Variants in ENOX1 observed in about 807,000 individuals in gnomAD.
ENOX1 encodes ecto-NOX disulfide-thiol exchanger 1, also known as candidate growth-related and time keeping constitutive hydroquinone (NADH) oxidase.
Under a neutral mutation model 82.5 loss-of-function variants are expected in ENOX1, and 42 were observed. That is an observed-to-expected ratio of 0.51 (90% CI 0.40 to 0.66). The LOEUF is 0.66. ENOX1 is among the 30% of genes least tolerant of loss of function. The pLI, the probability that ENOX1 is intolerant of heterozygous loss-of-function variation, is 0.00. For missense variants in ENOX1, 608 were observed against 811.6 expected (o/e 0.75, Z 3.05); for synonymous variants, 271 against 282.2 (o/e 0.96, Z 0.40).
chr13:43,529,140 C>A (rs116035603), intron 2 of ENOX1, among the ~76,000 whole-genome samples: 1,758 of 152,094 alleles, frequency 0.012, 21 homozygotes, highest in Middle Eastern at 0.037. Flanking sequence ...TACCCACAGT[C>A]AACCACAGTC....
chr13:43,557,833 G>C (rs1231506157), intron 2 of ENOX1, among the ~76,000 whole-genome samples: 2 of 152,074 alleles, frequency 1.3e-5, no homozygotes, highest in South Asian at 4.1e-4. Context: ...AATTCATTTT[G>C]TGGTTGTAAG....
chr13:43,273,568 A>G lies in ENOX1; in HGVS notation c.1447-3991T>C, dbSNP rs1041335676. Among the ~76,000 whole-genome samples the G allele has an allele frequency of 8.5e-5, 13 of 152,150 alleles. 1 individual carries two copies. The highest frequency in any genetic ancestry group is 3.1e-4 in the African/African-American group (13 of 41,498). ...AAATGTTGCTTTTGGCCCAAGATCA[A>G]CTCAGATGATGCCTTTGTAAAACTG... On this transcript the variant is annotated intron_variant, in intron 12 of 16. Transcript: ENST00000690772.
intron 2 of ENOX1, among the ~76,000 whole-genome samples, chr13:43,611,259 T>C (rs188487868): frequency 1.1e-3 from 160 of 152,302 alleles, no homozygotes; most frequent in Non-Finnish European, 2.0e-3. Context: ...CATACACATA[T>C]ACCCATCAAT....
chr13:43,675,522 AT>A (rs1334491174), intron 1 of ENOX1, among the ~76,000 whole-genome samples: 1 of 152,218 alleles, frequency 6.6e-6, no homozygotes, highest in Admixed American at 6.5e-5. Flanking sequence ...ATATATGCAT[AT>A]ATACATGGAT....
At chr13:43,249,489 T>G (rs927743736) in intron 14 of ENOX1, among the ~76,000 whole-genome samples, 18 of 152,314 alleles carry the variant, frequency 1.2e-4, no homozygotes, top group Middle Eastern at 3.4e-3. Flanking sequence ...AATTAGTCGG[T>G]TTGATTTATC....
At chr13:43,449,099 A>G (rs1414173489) in intron 3 of ENOX1, among the ~76,000 whole-genome samples, 5 of 152,230 alleles carry the variant, frequency 3.3e-5, no homozygotes, top group Non-Finnish European at 4.4e-5. Flanking sequence ...AGCTCCTTTT[A>G]TAAGAGTTTA....
intron 2 of ENOX1, among the ~76,000 whole-genome samples, chr13:43,642,277 G>C (rs2083688620): frequency 6.6e-6 from 1 of 152,040 alleles, no homozygotes; most frequent in South Asian, 2.1e-4. Flanking sequence ...TTTATGGTCT[G>C]CTTGCTTTGA....
chr13:43,521,343 A>T (rs1252889579), intron 2 of ENOX1, among the ~76,000 whole-genome samples: 2 of 152,150 alleles, frequency 1.3e-5, no homozygotes, highest in African/African-American at 4.8e-5. Flanking sequence ...GTGATGACAC[A>T]TATTGTGCAG....
At chr13:43,323,268 T>C (rs1287854354) in intron 10 of ENOX1, among the ~76,000 whole-genome samples, 2 of 152,242 alleles carry the variant, frequency 1.3e-5, no homozygotes, top group Non-Finnish European at 2.9e-5. Context: ...TTGGGGTTAC[T>C]GTTTTTGTTG....
intron 8 of ENOX1, among the ~76,000 whole-genome samples, chr13:43,355,433 C>A (rs1326005431): frequency 6.6e-6 from 1 of 152,142 alleles, no homozygotes; most frequent in Non-Finnish European, 1.5e-5. Flanking sequence ...CTCGATGGAC[C>A]CTAGTACCAT....
intron 1 of ENOX1, among the ~76,000 whole-genome samples, chr13:43,781,673 C>T (rs967165539): frequency 2.0e-5 from 3 of 152,222 alleles, no homozygotes; most frequent in South Asian, 4.2e-4. Flanking sequence ...ACCACCATCC[C>T]GGCTAATTTT....
chr13:43,489,032 G>T (rs1593455064), intron 2 of ENOX1, among the ~76,000 whole-genome samples: 1 of 152,198 alleles, frequency 6.6e-6, no homozygotes, highest in East Asian at 1.9e-4. Context: ...GTTTAGAAGA[G>T]AAAACCAAGT....
chr13:43,589,845 C>T (rs908309065), intron 2 of ENOX1, among the ~76,000 whole-genome samples: 2 of 148,460 alleles, frequency 1.3e-5, no homozygotes, highest in Non-Finnish European at 1.5e-5. Flanking sequence ...CCTTAGTTGG[C>T]TACTTATTGA....
At chr13:43,252,307 T>A (rs987370788) in intron 14 of ENOX1, among the ~76,000 whole-genome samples, 2 of 152,056 alleles carry the variant, frequency 1.3e-5, no homozygotes, top group African/African-American at 4.8e-5. Flanking sequence ...GAAAAAAAAA[T>A]TAATAGATTT....
At chr13:43,749,133 G>A (rs933668772) in intron 1 of ENOX1, among the ~76,000 whole-genome samples, 2 of 152,152 alleles carry the variant, frequency 1.3e-5, no homozygotes, top group African/African-American at 2.4e-5. Context: ...TTATGTAATA[G>A]TTTCACGTCA....
chr13:43,589,182 C>A (rs1489328084), intron 2 of ENOX1, among the ~76,000 whole-genome samples: 1 of 131,696 alleles, frequency 7.6e-6, no homozygotes, highest in Admixed American at 8.3e-5. Context: ...AAAAAAATGA[C>A]CAAACCAGGA....
intron 5 of ENOX1, among the ~76,000 whole-genome samples, chr13:43,391,754 G>A (rs1443491948): frequency 6.6e-6 from 1 of 152,076 alleles, no homozygotes; most frequent in Non-Finnish European, 1.5e-5. Context: ...CCTGGGACCT[G>A]GACATGTGTG....
intron 1 of ENOX1, among the ~76,000 whole-genome samples, chr13:43,701,353 G>GT (rs1216522667): frequency 6.6e-6 from 1 of 152,304 alleles, no homozygotes; most frequent in Admixed American, 6.5e-5. Context: ...GTTCATCACA[G>GT]TATTTCAGAT....
At chr13:43,306,356 T>G (rs544972813) in intron 11 of ENOX1, among the ~76,000 whole-genome samples, 2 of 152,286 alleles carry the variant, frequency 1.3e-5, no homozygotes, top group African/African-American at 4.8e-5. Context: ...TTTAATTCGA[T>G]TTTAGTTTTC....
Sources: allele counts gnomAD v4.1 joint callset (sites outside exome capture counted in the v4.1 genomes callset), GRCh38; gene constraint gnomAD v4.1.1; transcripts MANE v1.5; gene names NCBI Gene and HGNC (gene_info 2026-07-23, HGNC 2026-07-21).